The following DUSP15 variants were observed in gnomAD, a reference collection of about 807,000 sequenced individuals.
DUSP15 encodes dual specificity protein phosphatase 15.
Under a neutral mutation model 26.3 loss-of-function variants are expected in DUSP15, and 23 were observed. That is an observed-to-expected ratio of 0.87 (90% CI 0.63 to 1.24). The LOEUF (loss-of-function observed/expected upper bound fraction) is 1.24, where lower values mean the gene tolerates loss of function less well. Ranked by LOEUF, DUSP15 falls within the 50% of genes most tolerant of loss-of-function variation. DUSP15 has a pLI of 0.00. For synonymous variants in DUSP15, 143 were observed against 135.5 expected (o/e 1.06, Z -0.39); for missense variants, 364 against 320.6 (o/e 1.14, Z -1.03).
At position 31,861,387 on chromosome 20, in the gene DUSP15, C is replaced by T. The variant is rs2123245442; in HGVS notation, c.*16G>A. The T allele has an allele frequency of 1.3e-6, 2 of 1,535,662 alleles. No homozygotes were observed. The highest frequency in any genetic ancestry group is 2.6e-5 in the East Asian group (1 of 39,006). The stretch of plus-strand genomic sequence containing the variant: ...GGAGCCAGTCGGAAGTGGGGAGCCA[C>T]GGCTGGACTGCATCCTCACTTGCCG... On this transcript the variant is annotated 3_prime_UTR_variant, in exon 7 of 7. Coordinates refer to ENST00000339738, the MANE Select transcript of DUSP15 (RefSeq NM_080611.5).
chr20:31,849,638 A>G, intron 8 of DUSP15: 2 of 1,519,882 alleles, frequency 1.3e-6, no homozygotes, highest in South Asian at 2.4e-5. Context: ...CGCTTGGTGA[A>G]CACGCCCTCC....
At chr20:31,863,719 G>GC (rs2123271507) in intron 5 of DUSP15, 188 bp downstream of exon 5, 1 of 587,174 alleles carries the variant, frequency 1.7e-6, no homozygotes, top group South Asian at 2.2e-5. Flanking sequence ...CTTGGCTATG[G>GC]CCACACAGCT....
intron 8 of DUSP15, chr20:31,849,423 T>C (rs2062424942): frequency 7.9e-6 from 4 of 508,576 alleles, no homozygotes; most frequent in Non-Finnish European, 3.7e-6. Context: ...CTTAGGCCCA[T>C]CCCCCTGGGC....
At chr20:31,866,110 T>C (rs929607509) in intron 3 of DUSP15, among the ~76,000 whole-genome samples, 1 of 152,140 alleles carries the variant, frequency 6.6e-6, no homozygotes, top group Non-Finnish European at 1.5e-5. Flanking sequence ...ATCTGACATA[T>C]GGGAAAACTG....
At chr20:31,849,932 T>A in intron 7 of DUSP15, 1 of 1,419,632 alleles carries the variant, frequency 7.0e-7, no homozygotes, top group Non-Finnish European at 9.1e-7. Context: ...TCCCCTCGCC[T>A]TCTTACCCTC....
intron 6 of DUSP15, chr20:31,850,723 A>G: frequency 6.3e-7 from 1 of 1,582,976 alleles, no homozygotes; most frequent in Non-Finnish European, 8.6e-7. Flanking sequence ...CCCTGACCCC[A>G]GACCCATAGA....
downstream of DUSP15, among the ~76,000 whole-genome samples, chr20:31,859,412 C>G (rs1291561677): frequency 6.6e-6 from 1 of 152,132 alleles, no homozygotes; most frequent in Non-Finnish European, 1.5e-5. Context: ...AACTGAGGCT[C>G]TGAGAGAGAA....
At chr20:31,846,544 C>A (rs1482023532), downstream of DUSP15, among the ~76,000 whole-genome samples, 2 of 151,964 alleles carry the variant, frequency 1.3e-5, no homozygotes, top group Admixed American at 1.3e-4. Flanking sequence ...TCTCTAATCC[C>A]TACCTCTACT....
At chr20:31,846,440 A>AAG (rs1385705408), downstream of DUSP15, among the ~76,000 whole-genome samples, 144 of 95,340 alleles carry the variant, frequency 1.5e-3, no homozygotes, top group African/African-American at 8.3e-3. Flanking sequence ...GAAAGGAATG[A>AAG]ATAGAGAGAG....
chr20:31,848,848 C>T (rs905766500), exon 9 of DUSP15: 5 of 1,612,074 alleles, frequency 3.1e-6, no homozygotes, highest in Middle Eastern at 3.3e-4. Context: ...GTGTGGGGCC[C>T]GGGTCCTCCT....
chr20:31,853,516 T>TAA (rs149043582), intron 6 of DUSP15, among the ~76,000 whole-genome samples: 2 of 151,622 alleles, frequency 1.3e-5, no homozygotes, highest in African/African-American at 4.8e-5. Flanking sequence ...CTGTCTCTAC[T>TAA]AAAAAAAATA....
rs370632430 is a variant in DUSP15 at position 31,862,651 on chromosome 20, T to C, written c.355A>G (p.Lys119Glu). 2.2e-5 allele frequency: 35 copies of C among 1,614,016 alleles called. No homozygotes were observed. Among genetic ancestry groups the C allele is most frequent in the Non-Finnish European group, 2.7e-5 (32 of 1,180,034 alleles). ...GGGTTGGCGATGGGCCTGGTGGCCT[T>C]GATGGCTTCAAGCACGTCCCGCCAG... ...LGWRDVLEAI[K>E]ATRPIANPNP... The change falls in exon 6 of 7, where the codon AAG becomes GAG. Residue 119 changes from lysine (K) to glutamate (E), a missense_variant. Lys to Glu is a moderately conservative substitution (Grantham distance 56). Transcript: ENST00000339738.
chr20:31,863,244 A>C (rs1187594702), intron 5 of DUSP15, among the ~76,000 whole-genome samples: 1 of 152,174 alleles, frequency 6.6e-6, no homozygotes, highest in Non-Finnish European at 1.5e-5. Flanking sequence ...AATTTGAAAG[A>C]TGAATAAGGG....
chr20:31,854,683 C>T (rs1393900154), intron 6 of DUSP15, among the ~76,000 whole-genome samples: 3 of 152,116 alleles, frequency 2.0e-5, no homozygotes, highest in African/African-American at 7.2e-5. Context: ...GAGCAAAGTC[C>T]TGGAGGTATA....
intron 6 of DUSP15, among the ~76,000 whole-genome samples, chr20:31,851,854 T>C (rs1158542859): frequency 6.6e-6 from 1 of 152,086 alleles, no homozygotes; most frequent in Non-Finnish European, 1.5e-5. Context: ...CAGGCCCTGG[T>C]AACTGCATCA....
chr20:31,849,478 C>A, intron 8 of DUSP15: 1 of 683,050 alleles, frequency 1.5e-6, no homozygotes, highest in South Asian at 1.5e-5. Flanking sequence ...TTCCTTTGCC[C>A]ACCGCGTCCT....
At chr20:31,854,974 T>C (rs2062537731) in intron 6 of DUSP15, among the ~76,000 whole-genome samples, 1 of 152,182 alleles carries the variant, frequency 6.6e-6, no homozygotes, top group African/African-American at 2.4e-5. Context: ...TAATATGATG[T>C]TGATTTATTA....
At chr20:31,856,145 C>T (rs531149903), downstream of DUSP15, among the ~76,000 whole-genome samples, 3 of 152,122 alleles carry the variant, frequency 2.0e-5, no homozygotes, top group Admixed American at 2.0e-4. Flanking sequence ...TGGGAGCTGA[C>T]CAGGTAAAAG....
chr20:31,869,009 T>C (rs2062841877), intron 2 of DUSP15, among the ~76,000 whole-genome samples: 1 of 152,116 alleles, frequency 6.6e-6, no homozygotes, highest in Non-Finnish European at 1.5e-5. Context: ...GCTCCAGGGC[T>C]CTGGGGTGCG....
Sources: allele counts gnomAD v4.1 joint callset (sites outside exome capture counted in the v4.1 genomes callset), GRCh38; gene constraint gnomAD v4.1.1; transcripts MANE v1.5; gene names NCBI Gene and HGNC (gene_info 2026-07-23, HGNC 2026-07-21).